C8orf34: variants seen among roughly 807,000 people sequenced by gnomAD.
C8orf34 encodes uncharacterized protein C8orf34.
C8orf34 carries 65 observed loss-of-function variants against 68.3 expected under a neutral mutation model. The observed-to-expected ratio is 0.95, with a 90% CI of 0.78 to 1.17. The LOEUF (loss-of-function observed/expected upper bound fraction) is 1.17. Ranked by LOEUF, C8orf34 falls within the 50% of genes most tolerant of loss-of-function variation. The probability of loss-of-function intolerance (pLI) is 0.00; values close to 1 mark genes in which losing one functional copy is unlikely to be tolerated. For synonymous variants in C8orf34, 244 were observed against 241.2 expected (o/e 1.01, Z -0.11); for missense variants, 664 against 655.4 (o/e 1.01, Z -0.14).
chr8:68,456,249 C>CT (rs1299142819), intron 3 of C8orf34, among the ~76,000 whole-genome samples: 1 of 148,682 alleles, frequency 6.7e-6, no homozygotes, highest in Non-Finnish European at 1.5e-5. Flanking sequence ...GAGCGACACT[C>CT]TGTCTGAAAA....
chr8:68,781,884 T>G (rs565440623), intron 11 of C8orf34, among the ~76,000 whole-genome samples: 9 of 152,346 alleles, frequency 5.9e-5, no homozygotes, highest in South Asian at 4.1e-4. Flanking sequence ...AATTAGAGAA[T>G]AGTTGAATGC....
chr8:68,568,006 G>C (rs1470068642), intron 7 of C8orf34, among the ~76,000 whole-genome samples: 1 of 151,980 alleles, frequency 6.6e-6, no homozygotes, highest in Admixed American at 6.6e-5. Flanking sequence ...CAGTATTGCT[G>C]TGTCTCAGGG....
intron 12 of C8orf34, among the ~76,000 whole-genome samples, chr8:68,806,353 C>A (rs1028912823): frequency 5.3e-5 from 8 of 151,816 alleles, no homozygotes; most frequent in Non-Finnish European, 1.5e-5. Context: ...TTTGTAATTA[C>A]TGGTGGTGAA....
Position 68,626,112 on chromosome 8 carries a change from G to A in C8orf34, c.1106-14264G>A, listed in dbSNP as rs1003648635. Among the ~76,000 whole-genome samples the A allele has an allele frequency of 5.9e-5, 9 of 152,266 alleles. No individual in the cohort carries two copies. In the East Asian group the frequency reaches 9.6e-4, roughly 16 times the overall value. ...GTTTAAAATCCATGTGGAGATGAGA[G>A]AGAGGAAGGGAAGTGAAGTAGAAAG... On this transcript the variant is annotated intron_variant, in intron 7 of 13. Transcript: ENST00000518698.
intron 7 of C8orf34, among the ~76,000 whole-genome samples, chr8:68,634,916 A>C (rs117527677): frequency 5.4e-4 from 83 of 152,306 alleles, no homozygotes; most frequent in Non-Finnish European, 1.1e-3. Context: ...GCAGTTGTTG[A>C]AGCAGTTTCA....
intron 7 of C8orf34, among the ~76,000 whole-genome samples, chr8:68,549,992 T>A (rs1251771147): frequency 6.6e-6 from 1 of 151,826 alleles, no homozygotes; most frequent in African/African-American, 2.4e-5. Context: ...ATGTTTATAT[T>A]TAAAGAGAGT....
At chr8:68,342,596 T>C (rs944259516) in intron 1 of C8orf34, among the ~76,000 whole-genome samples, 1 of 152,188 alleles carries the variant, frequency 6.6e-6, no homozygotes, top group African/African-American at 2.4e-5. Flanking sequence ...AAGTTTTAAA[T>C]TGCATATCAT....
At chr8:68,413,964 C>G (rs1396206009) in intron 1 of C8orf34, among the ~76,000 whole-genome samples, 1 of 152,188 alleles carries the variant, frequency 6.6e-6, no homozygotes, top group Non-Finnish European at 1.5e-5. Flanking sequence ...AGCTCACATG[C>G]TATTTCATCC....
intron 8 of C8orf34, among the ~76,000 whole-genome samples, chr8:68,647,826 C>T (rs976563743): frequency 7.2e-5 from 11 of 152,064 alleles, no homozygotes; most frequent in Non-Finnish European, 7.4e-5. Context: ...TGGAAATTAT[C>T]CTGTTACTTT....
chr8:68,691,132 C>T (rs1241374973), intron 8 of C8orf34, among the ~76,000 whole-genome samples: 1 of 152,042 alleles, frequency 6.6e-6, no homozygotes, highest in East Asian at 1.9e-4. Flanking sequence ...CTACCCTTCT[C>T]AATGTAGTTC....
chr8:68,387,852 A>G (rs945034152), intron 1 of C8orf34, among the ~76,000 whole-genome samples: 11 of 152,178 alleles, frequency 7.2e-5, no homozygotes, highest in Non-Finnish European at 1.5e-4. Context: ...TATTTAGCAT[A>G]TATGTAAATT....
At chr8:68,515,884 A>G (rs562674037) in intron 5 of C8orf34, among the ~76,000 whole-genome samples, 6 of 152,354 alleles carry the variant, frequency 3.9e-5, no homozygotes, top group Non-Finnish European at 7.4e-5. Context: ...TAATTATTAC[A>G]AAGAATAAGA....
At chr8:68,757,543 C>A (rs1287944257) in intron 10 of C8orf34, among the ~76,000 whole-genome samples, 1 of 152,010 alleles carries the variant, frequency 6.6e-6, no homozygotes, top group African/African-American at 2.4e-5. Flanking sequence ...ATCACTTGAA[C>A]CGGGGAGGCG....
At chr8:68,710,237 C>A (rs975745958) in intron 9 of C8orf34, among the ~76,000 whole-genome samples, 1 of 152,094 alleles carries the variant, frequency 6.6e-6, no homozygotes, top group Non-Finnish European at 1.5e-5. Flanking sequence ...AGAGAATCCA[C>A]AGACTATTTG....
At chr8:68,444,400 C>T (rs1156647148) in intron 2 of C8orf34, among the ~76,000 whole-genome samples, 1 of 151,984 alleles carries the variant, frequency 6.6e-6, no homozygotes, top group Non-Finnish European at 1.5e-5. Context: ...AATAGCTTTC[C>T]ATTATAAATA....
chr8:68,706,204 T>C (rs1025672929), intron 8 of C8orf34, among the ~76,000 whole-genome samples: 2 of 152,034 alleles, frequency 1.3e-5, no homozygotes, highest in South Asian at 2.1e-4. Flanking sequence ...TGCGGGAAAA[T>C]GGTGGGTTAA....
intron 1 of C8orf34, among the ~76,000 whole-genome samples, chr8:68,390,591 G>C (rs936450969): frequency 1.3e-5 from 2 of 152,046 alleles, no homozygotes; most frequent in African/African-American, 2.4e-5. Flanking sequence ...TTGGCTATGG[G>C]AATTTTATCA....
At chr8:68,729,299 C>G (rs1015369199) in intron 10 of C8orf34, among the ~76,000 whole-genome samples, 3 of 152,178 alleles carry the variant, frequency 2.0e-5, no homozygotes, top group Admixed American at 6.5e-5. Context: ...GTGGAATCCT[C>G]TTATAATAAA....
intron 1 of C8orf34, among the ~76,000 whole-genome samples, chr8:68,349,999 TCTC>T (rs1380785258): frequency 1.3e-5 from 2 of 151,926 alleles, no homozygotes. Context: ...TTTCTCATCT[TCTC>T]CTAGCTTTGG....
Sources: gnomAD v4.1 joint callset for allele counts (sites outside exome capture counted in the v4.1 genomes callset) on GRCh38, gnomAD v4.1.1 for gene constraint, MANE v1.5 for transcripts, NCBI Gene and HGNC (gene_info 2026-07-23, HGNC 2026-07-21) for gene names.